TMEM184B: variants seen among roughly 807,000 people sequenced by gnomAD.
TMEM184B encodes the protein putative MAPK-activating protein FM08.
A neutral mutation model predicts 41.8 loss-of-function variants in TMEM184B; 17 were observed. That is an observed-to-expected ratio of 0.41 (90% CI 0.28 to 0.61). The LOEUF (loss-of-function observed/expected upper bound fraction) is 0.61, where lower values mean the gene tolerates loss of function less well. Ranked by LOEUF, TMEM184B falls within the 20% of genes least tolerant of loss-of-function variation. TMEM184B has a pLI of 0.34. For missense variants in TMEM184B, 393 were observed against 557.8 expected, an observed-to-expected ratio of 0.70 and a Z score of 2.98; for synonymous variants, 240 against 229.5, an observed-to-expected ratio of 1.05 and a Z score of -0.41.
At chr22:38,243,128 C>T (rs1453939307) in intron 3 of TMEM184B, among the ~76,000 whole-genome samples, 1 of 151,976 alleles carries the variant, frequency 6.6e-6, no homozygotes, top group Non-Finnish European at 1.5e-5. Flanking sequence ...TTGTAAACTC[C>T]CTGGGAGAGG....
chr22:38,230,853 A>G (rs2091596809), intron 4 of TMEM184B, 109 bp from the exon 5 acceptor site: 1 of 1,065,470 alleles, frequency 9.4e-7, no homozygotes, highest in Non-Finnish European at 1.4e-6. Flanking sequence ...GCTGGGGCAC[A>G]CATTCTGGGC....
At position 38,221,361 on chromosome 22, in the gene TMEM184B, C is replaced by A; in HGVS notation, c.*108G>T. 1 of 1,480,484 alleles carries A rather than the reference C, an allele frequency of 6.8e-7. No homozygotes were observed. The highest frequency in any genetic ancestry group is 8.9e-7 in the Non-Finnish European group (1 of 1,122,266). The allele number at this position is 1,480,484 out of a possible 1,614,324, so 91.7% of individuals were successfully genotyped here. On this transcript the variant is annotated 3_prime_UTR_variant, in exon 9 of 9. Coordinates refer to ENST00000361906, the MANE Select transcript of TMEM184B (RefSeq NM_012264.5). ...GTGTTTCTGGTCCAATAAATAAAGG[C>A]GGCGTGAGCACTGTGCCAGCTGCCT... is the stretch of plus-strand genomic sequence containing the variant.
chr22:38,258,300 ATTTTTTTTT>A (rs752882414), intron 1 of TMEM184B, among the ~76,000 whole-genome samples: 1 of 141,268 alleles, frequency 7.1e-6, no homozygotes, highest in Non-Finnish European at 1.6e-5. Context: ...ATTTTTCCAA[ATTTTTTTTT>A]TTTTTTTTTT....
intron 1 of TMEM184B, among the ~76,000 whole-genome samples, chr22:38,255,949 T>C (rs2092270847): frequency 6.6e-6 from 1 of 152,198 alleles, no homozygotes; most frequent in Non-Finnish European, 1.5e-5. Flanking sequence ...GTTTGTATCT[T>C]GATAGTGGTA....
chr22:38,264,671 G>A (rs866493406), intron 1 of TMEM184B, among the ~76,000 whole-genome samples: 1 of 152,152 alleles, frequency 6.6e-6, no homozygotes, highest in African/African-American at 2.4e-5. Flanking sequence ...GCGGGTCTCT[G>A]GAAGGCACAC....
At chr22:38,217,659 CA>C (rs577247559), downstream of TMEM184B, among the ~76,000 whole-genome samples, 84 of 141,116 alleles carry the variant, frequency 6.0e-4, no homozygotes, top group Non-Finnish European at 1.0e-3. Context: ...AAAAGAAAAA[CA>C]AAACAAAAAA....
intron 1 of TMEM184B, among the ~76,000 whole-genome samples, chr22:38,261,075 C>G (rs1364679864): frequency 1.3e-5 from 2 of 152,172 alleles, no homozygotes. Context: ...CTGAACTGAC[C>G]GCTCTGCTCC....
rs117827022 is a variant in TMEM184B at position 38,263,348 on chromosome 22, C to G, written c.-59+9536G>C. 1.7e-3 allele frequency among the ~76,000 whole-genome samples: 262 copies of G among 152,288 alleles called. 4 individuals carry two copies. The highest frequency in any genetic ancestry group is 0.017 in the Middle Eastern group (5 of 294). ...CGACTTGCGGTGTCTGCCCAGAGAC[C>G]CCCTGGGCATAGACAAGCAAAGACA... On this transcript the variant is annotated intron_variant, in intron 1 of 8. Transcript: ENST00000361906.
chr22:38,223,853 C>G (rs1029414061), intron 8 of TMEM184B: 12 of 152,658 alleles, frequency 7.9e-5, no homozygotes, highest in Admixed American at 5.2e-4. Context: ...GCGTCCCGGG[C>G]AGCAGCACTT....
rs1353600448 is a variant in TMEM184B, at chr22:38,222,810, A to AC, written c.983-1101dup. ...ACGACACACCACACACCCTGTCCCC[A>AC]CCCCCCCAGGCCCCACAGGGCACCC... On this transcript the variant is annotated intron_variant, in intron 8 of 8. Transcript: ENST00000361906. 26 of 710,138 alleles carry AC rather than the reference A, an allele frequency of 3.7e-5. No homozygotes were observed. The East Asian group carries it at 4.1e-4, about 11-fold the overall frequency. The allele number at this position is 710,138 out of a possible 1,614,324, so 44.0% of individuals were successfully genotyped here. A position where few individuals can be genotyped will look rare whatever the true frequency, so the allele number is the denominator to read the frequency against.
At chr22:38,265,034 G>C (rs1188503107) in intron 1 of TMEM184B, among the ~76,000 whole-genome samples, 2 of 152,120 alleles carry the variant, frequency 1.3e-5, no homozygotes, top group Non-Finnish European at 2.9e-5. Context: ...GGAAAATCTA[G>C]ATTTTCCCAC....
intron 3 of TMEM184B, among the ~76,000 whole-genome samples, chr22:38,242,329 T>C (rs2091929221): frequency 6.7e-6 from 1 of 149,020 alleles, no homozygotes; most frequent in Non-Finnish European, 1.5e-5. Context: ...AAAAAAAAAA[T>C]TAGCCGGGCG....
intron 3 of TMEM184B, among the ~76,000 whole-genome samples, chr22:38,235,410 C>G (rs1397411657): frequency 6.6e-6 from 1 of 152,238 alleles, no homozygotes. Flanking sequence ...TGCATCAAAA[C>G]ACATGTCAGC....
intron 1 of TMEM184B, among the ~76,000 whole-genome samples, chr22:38,261,840 C>G (rs1361915900): frequency 4.6e-5 from 7 of 152,240 alleles, no homozygotes; most frequent in Admixed American, 4.6e-4. Flanking sequence ...TCCCTGTAAT[C>G]AAGAAGCCTG....
chr22:38,267,580 A>T (rs913973231), intron 1 of TMEM184B, among the ~76,000 whole-genome samples: 1 of 151,890 alleles, frequency 6.6e-6, no homozygotes, highest in African/African-American at 2.4e-5. Context: ...TTACAGGCAC[A>T]TGCCACCACA....
chr22:38,245,883 T>TGCCCCCCCCC, intron 3 of TMEM184B, 52 bp downstream of exon 3: 11 of 1,288,710 alleles, frequency 8.5e-6, no homozygotes, highest in East Asian at 5.2e-5. Flanking sequence ...GGACAGGGGC[T>TGCCCCCCCCC]CCCAGCCCCC....
At chr22:38,235,377 G>A (rs2091747529) in intron 3 of TMEM184B, among the ~76,000 whole-genome samples, 1 of 152,228 alleles carries the variant, frequency 6.6e-6, no homozygotes, top group Non-Finnish European at 1.5e-5. Context: ...GAAAGGCTTG[G>A]CATCTGGGCT....
At chr22:38,247,745 G>A in intron 2 of TMEM184B, 25 bp downstream of exon 2, 1 of 1,600,270 alleles carries the variant, frequency 6.2e-7, no homozygotes, top group Non-Finnish European at 8.5e-7. Flanking sequence ...GACCTTTCTA[G>A]AGGCCCCTTG....
chr22:38,263,606 A>T (rs1447298576), intron 1 of TMEM184B, among the ~76,000 whole-genome samples: 1 of 152,224 alleles, frequency 6.6e-6, no homozygotes, highest in Non-Finnish European at 1.5e-5. Context: ...AAAATAAGGC[A>T]ACAATGACGA....
Sources: gnomAD v4.1 joint callset for allele counts (sites outside exome capture counted in the v4.1 genomes callset) on GRCh38, gnomAD v4.1.1 for gene constraint, MANE v1.5 for transcripts, NCBI Gene and HGNC (gene_info 2026-07-23, HGNC 2026-07-21) for gene names.